Variants in KIF1B observed in about 807,000 individuals in gnomAD.
KIF1B encodes the protein kinesin-like protein KIF1B.
KIF1B carries 76 observed loss-of-function variants against 241.9 expected under a neutral mutation model. The ratio of observed to expected loss-of-function variants is 0.31; its 90% CI spans 0.26 to 0.38. The LOEUF is 0.38. Among genes scored for constraint, KIF1B ranks in the 10% least tolerant of loss-of-function variants. KIF1B has a pLI of 1.00. For synonymous variants in KIF1B, 750 were observed against 796.7 expected (o/e 0.94, Z 0.99); for missense variants, 1,622 against 2,271.4 (o/e 0.71, Z 5.81).
intron 11 of KIF1B, among the ~76,000 whole-genome samples, chr1:10,275,982 T>G (rs1238213173): frequency 6.6e-6 from 1 of 151,746 alleles, no homozygotes. Context: ...CTTGGCTCAC[T>G]GCAGCCTCCG....
intron 2 of KIF1B, among the ~76,000 whole-genome samples, chr1:10,242,652 G>A (rs1036193577): frequency 1.3e-5 from 2 of 152,072 alleles, no homozygotes; most frequent in South Asian, 2.1e-4. Context: ...AAGTAGCTGG[G>A]ATTACAGATG....
rs560601209 is a variant in KIF1B, at chr1:10,361,638, C to A, written c.4171-54C>A. 3.1e-6 allele frequency: 5 copies of A among 1,607,784 alleles called. No individual in the cohort carries two copies. The African/African-American group carries it at 6.7e-5, about 21-fold the overall frequency. ...TTCCAAATACGTTCGTGTATAGACT[C>A]TAGTCACAGTACTCTGCCTGCACTT... is the stretch of plus-strand genomic sequence containing the variant. On this transcript the variant is annotated intron_variant, in intron 39 of 48. Transcript: ENST00000676179.
intron 7 of KIF1B, 36 bp from the exon 8 acceptor site, chr1:10,271,466 T>C (rs1648795713): frequency 1.4e-6 from 2 of 1,457,724 alleles, no homozygotes; most frequent in South Asian, 1.1e-5. Flanking sequence ...ATCTTGCTTA[T>C]TTTTGAATTG....
In KIF1B at chr1:10,361,675, A is replaced by G; in HGVS notation, c.4171-17A>G. 3 of 1,613,350 alleles carry G rather than the reference A, an allele frequency of 1.9e-6. No individual in the cohort carries two copies. Among genetic ancestry groups the G allele is most frequent in the African/African-American group, 1.3e-5 (1 of 75,012 alleles). On this transcript the variant is annotated splice_polypyrimidine_tract_variant and intron_variant, in intron 39 of 48. Transcript: ENST00000676179. Reference sequence around the variant, plus strand: ...CTCTGCCTGCACTTCATCAGCACCTACCCTGTCTGCTTTCAGCTGGATCAT... The same window carrying G: ...CTCTGCCTGCACTTCATCAGCACCTGCCCTGTCTGCTTTCAGCTGGATCAT...
At chr1:10,339,717 G>A (rs377432998) in intron 31 of KIF1B, 52 bp from the exon 32 acceptor site, 1 of 1,485,014 alleles carries the variant, frequency 6.7e-7, no homozygotes, top group Non-Finnish European at 9.3e-7. Context: ...AAGAGATTCT[G>A]ATAAAACCGT....
In KIF1B at chr1:10,311,634, T is replaced by C. The variant is rs567381510; in HGVS notation, c.2116-8409T>C. 2.6e-5 allele frequency among the ~76,000 whole-genome samples: 4 copies of C among 151,636 alleles called. 1 individual carries two copies. The highest frequency in any genetic ancestry group is 7.3e-5 in the African/African-American group (3 of 40,908). ...GAGTCACAAAAGCTCTTCTTGATGA[T>C]AGATTCAGTGCATTTTCTCAGTCCT... On this transcript the variant is annotated intron_variant, in intron 22 of 48. Transcript: ENST00000676179.
intron 17 of KIF1B, among the ~76,000 whole-genome samples, chr1:10,294,652 G>A (rs1650172647): frequency 6.6e-6 from 1 of 152,166 alleles, no homozygotes; most frequent in African/African-American, 2.4e-5. Context: ...TGGGTCAGTT[G>A]AGGTCAGTAG....
At chr1:10,320,518 C>G (rs1651478924) in intron 23 of KIF1B, among the ~76,000 whole-genome samples, 1 of 152,134 alleles carries the variant, frequency 6.6e-6, no homozygotes, top group Admixed American at 6.5e-5. Flanking sequence ...TGGCAAATTT[C>G]TAATCATATT....
At chr1:10,294,504 C>T (rs1442917571) in intron 17 of KIF1B, among the ~76,000 whole-genome samples, 1 of 152,088 alleles carries the variant, frequency 6.6e-6, no homozygotes, top group Non-Finnish European at 1.5e-5. Context: ...GAGAATTGGC[C>T]TGTCATTTTT....
At chr1:10,227,920 C>T (rs1013023613) in intron 1 of KIF1B, 3 of 154,310 alleles carry the variant, frequency 1.9e-5, no homozygotes, top group Admixed American at 1.3e-4. Context: ...TGCTGTGGCT[C>T]ACACCTGTAA....
intron 12 of KIF1B, among the ~76,000 whole-genome samples, chr1:10,276,970 A>T (rs953436040): frequency 1.3e-5 from 2 of 151,824 alleles, no homozygotes; most frequent in Non-Finnish European, 2.9e-5. Context: ...AATCCTAGCT[A>T]CTCAGGAGGC....
intron 2 of KIF1B, among the ~76,000 whole-genome samples, chr1:10,236,658 T>C (rs1394177780): frequency 2.6e-5 from 4 of 152,226 alleles, no homozygotes; most frequent in African/African-American, 9.6e-5. Flanking sequence ...TATGAGGAAC[T>C]TTTTTCTGTA....
intron 7 of KIF1B, among the ~76,000 whole-genome samples, chr1:10,269,866 A>G (rs559401605): frequency 6.6e-6 from 1 of 152,346 alleles, no homozygotes; most frequent in East Asian, 1.9e-4. Context: ...TAACTTGTTT[A>G]GCCAGAGGTT....
chr1:10,339,724 C>T (rs1482150559), intron 31 of KIF1B, 45 bp from the exon 32 acceptor site: 5 of 1,514,890 alleles, frequency 3.3e-6, no homozygotes, highest in Non-Finnish European at 4.6e-6. Flanking sequence ...TCTGATAAAA[C>T]CGTTTAATGC....
chr1:10,225,764 C>T (rs1005505370), intron 1 of KIF1B, among the ~76,000 whole-genome samples: 1 of 152,106 alleles, frequency 6.6e-6, no homozygotes, highest in African/African-American at 2.4e-5. Context: ...GGCTGGAAGG[C>T]AGTGTTCATG....
intron 31 of KIF1B, among the ~76,000 whole-genome samples, chr1:10,339,393 G>A (rs367688911): frequency 1.8e-4 from 28 of 152,256 alleles, no homozygotes; most frequent in East Asian, 3.9e-4. Context: ...ACAGGCTCTC[G>A]CACTAACTGT....
intron 38 of KIF1B, among the ~76,000 whole-genome samples, chr1:10,357,604 G>T (rs1051977201): frequency 6.6e-6 from 1 of 152,018 alleles, no homozygotes; most frequent in Admixed American, 6.6e-5. Context: ...GTGGTGGCTC[G>T]TGCCTATATT....
intron 48 of KIF1B, 124 bp downstream of exon 48, chr1:10,375,497 A>AC: frequency 1.3e-6 from 1 of 780,116 alleles, no homozygotes; most frequent in South Asian, 1.4e-5. Context: ...GATTCTCCTG[A>AC]CTCAGCCTCC....
At chr1:10,267,348 C>T in intron 5 of KIF1B, 32 bp from the exon 6 acceptor site, 1 of 1,603,438 alleles carries the variant, frequency 6.2e-7, no homozygotes, top group Non-Finnish European at 8.5e-7. Context: ...ATTTCTTTTT[C>T]ACTCTAATTC....
Sources: allele counts gnomAD v4.1 joint callset (sites outside exome capture counted in the v4.1 genomes callset), GRCh38; gene constraint gnomAD v4.1.1; transcripts MANE v1.5; gene names NCBI Gene and HGNC (gene_info 2026-07-23, HGNC 2026-07-21).